The following SLC30A6 variants were observed in gnomAD, a reference collection of about 807,000 sequenced individuals.
SLC30A6 encodes the protein solute carrier family 30 member 6, also known as zinc transporter 6.
SLC30A6 carries 55 observed loss-of-function variants against 63.0 expected under a neutral mutation model. The observed-to-expected ratio is 0.87, with a 90% CI of 0.70 to 1.09. SLC30A6 has a LOEUF of 1.09. Ranked by LOEUF, SLC30A6 falls within the 50% of genes least tolerant of loss-of-function variation. The probability of loss-of-function intolerance (pLI) is 0.00; values close to 1 mark genes in which losing one functional copy is unlikely to be tolerated. For missense variants in SLC30A6, 587 were observed against 549.2 expected, an observed-to-expected ratio of 1.07 and a Z score of -0.69; for synonymous variants, 224 against 186.1, an observed-to-expected ratio of 1.20 and a Z score of -1.66.
chr2:32,197,349 A>G lies in SLC30A6; in HGVS notation c.502A>G (p.Ser168Gly). 1 of 1,613,320 alleles carries G rather than the reference A, an allele frequency of 6.2e-7. No homozygotes were observed. The highest frequency in any genetic ancestry group is 8.5e-7 in the Non-Finnish European group (1 of 1,179,618). ...KPFAYVSEAA[S>G]TSWLQEHVAD... is the part of the protein sequence containing the mutation. ...TAAGTATTTTCTTCTTAAAGCTGCT[A>G]GTACGAGCTGGCTTCAAGAGCATGT... is the stretch of plus-strand genomic sequence containing the variant. The change falls in exon 9 of 14, where the codon AGT becomes GGT. Residue 168 changes from serine to glycine, a missense_variant. Ser to Gly is a moderately conservative substitution (Grantham distance 56). Transcript: ENST00000282587.
chr2:32,165,887 T>G lies in SLC30A6; in HGVS notation c.-14T>G, dbSNP rs376483259. On this transcript the variant is annotated 5_prime_UTR_variant, in exon 1 of 14. Coordinates refer to ENST00000282587, the MANE Select transcript of SLC30A6 (RefSeq NM_017964.5). ...CCAGAACGGCTTCCGGCGGGAGCTG[T>G]GCAGCTCCTTATCATGGTGAGTTGG... 3.1e-6 allele frequency: 5 copies of G among 1,614,156 alleles called. No homozygotes were observed. Among genetic ancestry groups the G allele is most frequent in the Non-Finnish European group, 2.5e-6 (3 of 1,179,994 alleles).
intron 12 of SLC30A6, among the ~76,000 whole-genome samples, chr2:32,208,174 A>G (rs1390914418): frequency 6.6e-6 from 1 of 150,868 alleles, no homozygotes; most frequent in Non-Finnish European, 1.5e-5. Context: ...TCTATCACCC[A>G]GGCTGGGGTG....
intron 13 of SLC30A6, among the ~76,000 whole-genome samples, 187 bp from the exon 14 acceptor site, chr2:32,220,026 A>C (rs570910294): frequency 1.3e-5 from 2 of 152,242 alleles, no homozygotes; most frequent in Non-Finnish European, 2.9e-5. Flanking sequence ...TTAAAGATTC[A>C]CAAATTATTT....
At chr2:32,216,269 C>T (rs1274703057) in intron 13 of SLC30A6, among the ~76,000 whole-genome samples, 1 of 152,156 alleles carries the variant, frequency 6.6e-6, no homozygotes, top group Non-Finnish European at 1.5e-5. Flanking sequence ...GGCGCGGTGG[C>T]TCATGCCTGT....
At chr2:32,201,739 T>C (rs1684312000) in intron 10 of SLC30A6, 1 of 1,336,214 alleles carries the variant, frequency 7.5e-7, no homozygotes, top group Non-Finnish European at 1.1e-6. Flanking sequence ...TGTACTTCCC[T>C]TATATGGTTT....
intron 10 of SLC30A6, chr2:32,202,242 A>G: frequency 1.3e-6 from 1 of 766,758 alleles, no homozygotes. Context: ...AAGATTTAAT[A>G]GCTCAAGCAC....
chr2:32,189,369 G>A lies in SLC30A6; in HGVS notation c.285-2967G>A, dbSNP rs141752667. 9.5e-5 allele frequency among the ~76,000 whole-genome samples: 14 copies of A among 147,910 alleles called. No homozygotes were observed. In the East Asian group the frequency reaches 2.9e-3, roughly 30 times the overall value. ...TGCAGTGGTGCGACCTTGGCTCACT[G>A]CAACCTCCACCTCCCGGATTTAAGC... is the stretch of plus-strand genomic sequence containing the variant. On this transcript the variant is annotated intron_variant, in intron 5 of 13. Coordinates refer to ENST00000282587, the MANE Select transcript of SLC30A6 (RefSeq NM_017964.5).
At chr2:32,202,655 C>A (rs1053151712) in intron 10 of SLC30A6, 5 of 602,560 alleles carry the variant, frequency 8.3e-6, no homozygotes, top group Non-Finnish European at 1.6e-5. Flanking sequence ...CTAAACTGTG[C>A]CATGTTGTGC....
In SLC30A6 at chr2:32,220,835, C is replaced by T. The variant is rs1686101588; in HGVS notation, c.*122C>T. The stretch of plus-strand genomic sequence containing the variant: ...AATGTTAGATAATAGTAGTCTTGTT[C>T]ACATTTCATGAAACCTATGAAACTA... On this transcript the variant is annotated 3_prime_UTR_variant, in exon 14 of 14. Coordinates refer to ENST00000282587, the MANE Select transcript of SLC30A6 (RefSeq NM_017964.5). 7.8e-6 allele frequency: 7 copies of T among 899,546 alleles called. No homozygotes were observed. The Admixed American group carries it at 1.7e-4, about 22-fold the overall frequency. 55.7% of individuals were successfully genotyped at this position (899,546 alleles called of 1,614,324 possible). A position where few individuals can be genotyped will look rare whatever the true frequency, so the allele number is the denominator to read the frequency against.
chr2:32,224,236 TACCAGTTGGTGTG>T lies in SLC30A6; in HGVS notation c.*3527_*3539del. The T allele has an allele frequency of 2.3e-6, 1 of 435,438 alleles. No homozygotes were observed. Among genetic ancestry groups the T allele is most frequent in the South Asian group, 4.6e-5 (1 of 21,968 alleles). The allele number at this position is 435,438 out of a possible 1,614,324, so 27.0% of individuals were successfully genotyped here. ...ATACTAAGTTAATATGCATTCAGTA[TACCAGTTGGTGTG>T]ACCCAGACCAAAGGTAACACAAAGA... On this transcript the variant is annotated 3_prime_UTR_variant, in exon 14 of 14. Coordinates refer to ENST00000282587, the MANE Select transcript of SLC30A6 (RefSeq NM_017964.5).
chr2:32,182,587 T>C (rs1036143287), intron 4 of SLC30A6, among the ~76,000 whole-genome samples: 4 of 152,184 alleles, frequency 2.6e-5, no homozygotes, highest in Non-Finnish European at 5.9e-5. Flanking sequence ...ATTGTAAGAA[T>C]CAAACTTCTC....
At chr2:32,182,633 C>G (rs908210782) in intron 4 of SLC30A6, among the ~76,000 whole-genome samples, 3 of 152,258 alleles carry the variant, frequency 2.0e-5, no homozygotes, top group Admixed American at 2.0e-4. Flanking sequence ...ACATGGACAC[C>G]GTTGAGCTAT....
intron 2 of SLC30A6, among the ~76,000 whole-genome samples, chr2:32,171,849 C>T (rs748891465): frequency 1.3e-5 from 2 of 152,036 alleles, no homozygotes; most frequent in East Asian, 1.9e-4. Flanking sequence ...TGGGCCACCA[C>T]GCCCGGCTAA....
chr2:32,208,181 G>A (rs1403334343), intron 12 of SLC30A6, among the ~76,000 whole-genome samples: 1 of 149,026 alleles, frequency 6.7e-6, no homozygotes, highest in African/African-American at 2.5e-5. Flanking sequence ...CCCAGGCTGG[G>A]GTGCAGTGGC....
Position 32,173,488 on chromosome 2 carries a change from C to G in SLC30A6, c.91-575C>G, listed in dbSNP as rs535302220. On this transcript the variant is annotated intron_variant, in intron 2 of 13. Coordinates refer to ENST00000282587, the MANE Select transcript of SLC30A6 (RefSeq NM_017964.5). ...TCCCTGGTTCAAGCGATTCTCCTGC[C>G]TCAGCCTCCCAAGTAGCTGGAAATA... is the stretch of plus-strand genomic sequence containing the variant. 1.8e-4 allele frequency among the ~76,000 whole-genome samples: 28 copies of G among 152,120 alleles called. No homozygotes were observed. In the Middle Eastern group the frequency reaches 0.01, roughly 55 times the overall value.
At chr2:32,207,716 T>C (rs1166970588) in intron 12 of SLC30A6, among the ~76,000 whole-genome samples, 3 of 140,916 alleles carry the variant, frequency 2.1e-5, no homozygotes, top group Non-Finnish European at 4.6e-5. Flanking sequence ...TTTTTTTTTT[T>C]CTGAGATGGA....
At position 32,203,077 on chromosome 2, in the gene SLC30A6, A is replaced by G. The variant is rs1684436612; in HGVS notation, c.666-1513A>G. 3 of 1,303,756 alleles carry G rather than the reference A, an allele frequency of 2.3e-6. No homozygotes were observed. In the African/African-American group the frequency reaches 4.4e-5, roughly 19 times the overall value. 80.8% of individuals were successfully genotyped at this position (1,303,756 alleles called of 1,614,324 possible). On this transcript the variant is annotated intron_variant, in intron 10 of 13. Coordinates refer to ENST00000282587, the MANE Select transcript of SLC30A6 (RefSeq NM_017964.5). Reference sequence around the variant, plus strand: ...TTACATGGGGACATTGCACAGTCACAAAGAGAATTTACACTAAAAGACTTC... The same window carrying G: ...TTACATGGGGACATTGCACAGTCACGAAGAGAATTTACACTAAAAGACTTC...
chr2:32,174,080 C>T lies in SLC30A6; in HGVS notation c.108C>T (p.Leu36=), dbSNP rs768828129. ...TTTCACAGTCCTGGAAGATACTGCTCTTTGGTGTAATAAACTTGATATGTA... is the reference window on the plus strand; with the variant it reads ...TTTCACAGTCCTGGAAGATACTGCTTTTTGGTGTAATAAACTTGATATGTA... ...AADRRSWKIL[L]FGVINLICTG... The change falls in exon 3 of 14, where the codon CTC becomes CTT. Residue 36 remains leucine, a synonymous_variant. Transcript: ENST00000282587. The T allele has an allele frequency of 6.2e-7, 1 of 1,613,550 alleles. No individual in the cohort carries two copies.
intron 10 of SLC30A6, chr2:32,204,119 G>T (rs1684535124): frequency 5.1e-6 from 2 of 389,748 alleles, no homozygotes; most frequent in Non-Finnish European, 9.2e-6. Flanking sequence ...AAATAAATTG[G>T]TCATATTTTT....
Sources: allele counts gnomAD v4.1 joint callset (sites outside exome capture counted in the v4.1 genomes callset), GRCh38; gene constraint gnomAD v4.1.1; transcripts MANE v1.5; gene names NCBI Gene and HGNC (gene_info 2026-07-23, HGNC 2026-07-21).